ANTXR1: variants seen among roughly 807,000 people sequenced by gnomAD.
ANTXR1 encodes ANTXR cell adhesion molecule 1.
A neutral mutation model predicts 78.1 loss-of-function variants in ANTXR1; 19 were observed. The observed-to-expected ratio is 0.24, with a 90% CI of 0.17 to 0.36. The LOEUF is 0.36. Among genes scored for constraint, ANTXR1 ranks in the 10% least tolerant of loss-of-function variants. The pLI is 1.00. For synonymous variants in ANTXR1, 273 were observed against 260.5 expected (o/e 1.05, Z -0.46); for missense variants, 518 against 718.6 (o/e 0.72, Z 3.19).
chr2:69,118,765 G>A (rs1288662917), intron 10 of ANTXR1, among the ~76,000 whole-genome samples: 1 of 152,226 alleles, frequency 6.6e-6, no homozygotes, highest in African/African-American at 2.4e-5. Flanking sequence ...GGAAGGCTTT[G>A]TGCCCTGCCT....
chr2:69,179,689 A>G (rs1674227424), intron 14 of ANTXR1, among the ~76,000 whole-genome samples: 2 of 152,234 alleles, frequency 1.3e-5, no homozygotes. Context: ...CATGAGTTCA[A>G]ATCCAGCTCT....
chr2:69,019,675 A>T (rs1249365487), intron 1 of ANTXR1, among the ~76,000 whole-genome samples: 1 of 152,144 alleles, frequency 6.6e-6, no homozygotes, highest in African/African-American at 2.4e-5. Context: ...TTATTTCATC[A>T]CCGAGGTATC....
At chr2:69,112,817 G>C (rs868221067) in intron 10 of ANTXR1, among the ~76,000 whole-genome samples, 2 of 152,164 alleles carry the variant, frequency 1.3e-5, no homozygotes, top group Admixed American at 1.3e-4. Flanking sequence ...TTTTGAAGTG[G>C]CTCCTGCAGA....
rs150161439 is a variant in ANTXR1 at position 69,076,582 on chromosome 2, T to C, written c.562-826T>C. ...GAATAGTATGTGCTCACTTCTAAAA[T>C]AGACATTTGTATGTTCACATAGAAA... On this transcript the variant is annotated intron_variant, in intron 7 of 17. Transcript: ENST00000303714. 9.7e-4 allele frequency among the ~76,000 whole-genome samples: 147 copies of C among 151,948 alleles called. 1 individual carries two copies. The highest frequency in any genetic ancestry group is 4.4e-3 in the East Asian group (23 of 5,186).
At chr2:69,145,543 G>A in intron 12 of ANTXR1, 1 of 1,420,772 alleles carries the variant, frequency 7.0e-7, no homozygotes, top group Non-Finnish European at 9.2e-7. Context: ...AACATCAGGA[G>A]GGACAGGAAA....
intron 1 of ANTXR1, among the ~76,000 whole-genome samples, chr2:69,025,771 A>G (rs1671322916): frequency 6.6e-6 from 1 of 152,262 alleles, no homozygotes; most frequent in African/African-American, 2.4e-5. Context: ...CAGAGTGACC[A>G]AACATCCTAA....
At chr2:69,230,689 G>A (rs1273956606) in intron 17 of ANTXR1, among the ~76,000 whole-genome samples, 1 of 152,158 alleles carries the variant, frequency 6.6e-6, no homozygotes, top group Non-Finnish European at 1.5e-5. Context: ...CATAGGCTCA[G>A]CTTACACAAG....
At chr2:69,236,288 G>GTA (rs1169484325) in intron 17 of ANTXR1, among the ~76,000 whole-genome samples, 3 of 152,108 alleles carry the variant, frequency 2.0e-5, no homozygotes, top group Non-Finnish European at 2.9e-5. Context: ...GTGTGTGTGT[G>GTA]TATATATATG....
chr2:69,219,205 G>T (rs1265164088), intron 17 of ANTXR1, among the ~76,000 whole-genome samples: 1 of 152,082 alleles, frequency 6.6e-6, no homozygotes, highest in Non-Finnish European at 1.5e-5. Flanking sequence ...ATTTGATTTG[G>T]GGTTGATTTA....
intron 13 of ANTXR1, among the ~76,000 whole-genome samples, chr2:69,162,495 A>G (rs560467686): frequency 1.3e-5 from 2 of 152,352 alleles, no homozygotes; most frequent in Non-Finnish European, 2.9e-5. Flanking sequence ...GATCTGCAAG[A>G]GGAAACCTGA....
At chr2:69,231,177 T>A (rs1675589081) in intron 17 of ANTXR1, among the ~76,000 whole-genome samples, 1 of 152,236 alleles carries the variant, frequency 6.6e-6, no homozygotes, top group South Asian at 2.1e-4. Flanking sequence ...ATGGTGTATA[T>A]GTACCACATT....
At chr2:69,174,700 AG>A (rs1408231860) in intron 14 of ANTXR1, among the ~76,000 whole-genome samples, 1 of 152,236 alleles carries the variant, frequency 6.6e-6, no homozygotes, top group Admixed American at 6.5e-5. Context: ...CTAATCAGGA[AG>A]AAAGGCAGAG....
At position 69,181,813 on chromosome 2, in the gene ANTXR1, A is replaced by G. The variant is rs1312545587; in HGVS notation, c.1117A>G (p.Lys373Glu). Residue 373 changes from lysine (K) to glutamate (E), a missense_variant, in exon 15 of 18, where the codon AAA becomes GAA. Coordinates refer to ENST00000303714, the MANE Select transcript of ANTXR1 (RefSeq NM_032208.3). ...AGAAGATGATGATGGTCTGCCTAAGAAAAAGTGGCCAACGGTAGACGCCTC... is the reference window on the plus strand; with the variant it reads ...AGAAGATGATGATGGTCTGCCTAAGGAAAAGTGGCCAACGGTAGACGCCTC... ...EEEDDDGLPK[K>E]KWPTVDASYY... is the part of the protein sequence containing the mutation. The G allele has an allele frequency of 1.2e-6, 2 of 1,613,992 alleles. No individual in the cohort carries two copies. Among genetic ancestry groups the G allele is most frequent in the East Asian group, 4.5e-5 (2 of 44,892 alleles).
chr2:69,053,515 T>C (rs921275345), intron 3 of ANTXR1, among the ~76,000 whole-genome samples: 1 of 152,166 alleles, frequency 6.6e-6, no homozygotes, highest in African/African-American at 2.4e-5. Flanking sequence ...CTCCACATCA[T>C]GCAGAAATTC....
At chr2:69,197,441 A>G (rs1490320713) in intron 17 of ANTXR1, among the ~76,000 whole-genome samples, 3 of 152,114 alleles carry the variant, frequency 2.0e-5, no homozygotes, top group Admixed American at 1.3e-4. Flanking sequence ...ATCACCTCCA[A>G]ATGGGCTCTG....
intron 12 of ANTXR1, among the ~76,000 whole-genome samples, chr2:69,141,497 AGTC>A (rs1673067556): frequency 6.6e-6 from 1 of 151,772 alleles, no homozygotes. Flanking sequence ...AGTGTGCGCA[AGTC>A]AACAAGCAGT....
chr2:69,095,819 G>A (rs547297902), intron 9 of ANTXR1, among the ~76,000 whole-genome samples: 1 of 152,284 alleles, frequency 6.6e-6, no homozygotes, highest in African/African-American at 2.4e-5. Context: ...GATTTCTAAA[G>A]ATTTAATTCA....
chr2:69,154,746 C>T (rs538845738), intron 13 of ANTXR1, among the ~76,000 whole-genome samples: 50 of 152,334 alleles, frequency 3.3e-4, no homozygotes, highest in African/African-American at 1.1e-3. Flanking sequence ...ACGTGGGGTA[C>T]GTGTCTGCCG....
intron 9 of ANTXR1, among the ~76,000 whole-genome samples, chr2:69,098,224 C>A (rs943580491): frequency 6.6e-6 from 1 of 152,112 alleles, no homozygotes; most frequent in African/African-American, 2.4e-5. Flanking sequence ...ACTTTATGTG[C>A]AAGTTATTGT....
Sources: gnomAD v4.1 joint callset for allele counts (sites outside exome capture counted in the v4.1 genomes callset) on GRCh38, gnomAD v4.1.1 for gene constraint, MANE v1.5 for transcripts, NCBI Gene and HGNC (gene_info 2026-07-23, HGNC 2026-07-21) for gene names.